Variants in ADAMTSL1 observed in about 807,000 individuals in gnomAD.
The protein encoded by ADAMTSL1 is ADAMTS like 1.
ADAMTSL1 carries 126 observed loss-of-function variants against 201.8 expected under a neutral mutation model. That is an observed-to-expected ratio of 0.62 (90% CI 0.54 to 0.72). The LOEUF (loss-of-function observed/expected upper bound fraction) is 0.72. ADAMTSL1 is among the 30% of genes least tolerant of loss of function. ADAMTSL1 has a pLI of 0.00. For synonymous variants in ADAMTSL1, 1,121 were observed against 903.4 expected (o/e 1.24, Z -4.32); for missense variants, 2,679 against 2,277.8 (o/e 1.18, Z -3.59).
At chr9:18,557,883 A>T (rs1381251356) in intron 3 of ADAMTSL1, among the ~76,000 whole-genome samples, 1 of 152,024 alleles carries the variant, frequency 6.6e-6, no homozygotes, top group African/African-American at 2.4e-5. Flanking sequence ...TAGATTAAAC[A>T]GATTTTATTC....
chr9:18,132,589 T>C (rs551384002), intron 1 of ADAMTSL1, among the ~76,000 whole-genome samples: 9 of 152,296 alleles, frequency 5.9e-5, no homozygotes, highest in African/African-American at 1.9e-4. Context: ...CAGCTCTTCA[T>C]TCTATCACTT....
intron 1 of ADAMTSL1, among the ~76,000 whole-genome samples, chr9:18,088,144 G>T (rs554150591): frequency 6.6e-6 from 1 of 152,232 alleles, no homozygotes; most frequent in African/African-American, 2.4e-5. Context: ...AACACACAAT[G>T]GGGAAAGGAT....
chr9:18,790,357 A>T (rs1440579576), intron 19 of ADAMTSL1, among the ~76,000 whole-genome samples: 1 of 152,180 alleles, frequency 6.6e-6, no homozygotes. Flanking sequence ...GCAGCTCCTC[A>T]TAGCTGGGCA....
At chr9:18,711,803 C>A (rs1159850546) in intron 14 of ADAMTSL1, among the ~76,000 whole-genome samples, 2 of 150,026 alleles carry the variant, frequency 1.3e-5, no homozygotes, top group Admixed American at 1.3e-4. Context: ...AGGGCACAGA[C>A]AAACAAAAAG....
At chr9:18,867,092 T>G (rs1339289857) in intron 23 of ADAMTSL1, among the ~76,000 whole-genome samples, 2 of 152,200 alleles carry the variant, frequency 1.3e-5, no homozygotes, top group Admixed American at 6.5e-5. Context: ...TCCAAGAAAC[T>G]ATGTACCTCA....
chr9:18,184,076 C>G (rs1408474503), intron 2 of ADAMTSL1, among the ~76,000 whole-genome samples: 1 of 152,126 alleles, frequency 6.6e-6, no homozygotes, highest in Non-Finnish European at 1.5e-5. Flanking sequence ...CAGATAATTC[C>G]GAAATGTAAC....
At chr9:17,923,235 A>G (rs904535208) in intron 1 of ADAMTSL1, among the ~76,000 whole-genome samples, 14 of 150,694 alleles carry the variant, frequency 9.3e-5, no homozygotes, top group Middle Eastern at 3.4e-3. Flanking sequence ...CTTGGGCAGT[A>G]TGGCCATTTT....
chr9:18,315,735 G>C (rs934282765), intron 2 of ADAMTSL1, among the ~76,000 whole-genome samples: 2 of 152,184 alleles, frequency 1.3e-5, no homozygotes, highest in Non-Finnish European at 2.9e-5. Context: ...GGCAAGCAGA[G>C]GGAGCTAGCT....
intron 23 of ADAMTSL1, among the ~76,000 whole-genome samples, chr9:18,859,851 ATATCT>A (rs1318084895): frequency 6.6e-6 from 1 of 152,058 alleles, no homozygotes; most frequent in Non-Finnish European, 1.5e-5. Flanking sequence ...TTTTATTTCA[ATATCT>A]TTTGGGGTAC....
At chr9:18,764,564 C>G (rs1450748026) in intron 16 of ADAMTSL1, among the ~76,000 whole-genome samples, 2 of 152,142 alleles carry the variant, frequency 1.3e-5, no homozygotes, top group Non-Finnish European at 2.9e-5. Flanking sequence ...TTGGAAGTCT[C>G]TGGGTGAACA....
intron 2 of ADAMTSL1, among the ~76,000 whole-genome samples, chr9:18,418,433 A>G (rs1007868884): frequency 5.3e-5 from 8 of 152,216 alleles, no homozygotes; most frequent in African/African-American, 1.7e-4. Flanking sequence ...CCCTATTTGC[A>G]TAATACACAG....
intron 23 of ADAMTSL1, among the ~76,000 whole-genome samples, chr9:18,840,612 T>C (rs1825655388): frequency 6.6e-6 from 1 of 152,254 alleles, no homozygotes; most frequent in African/African-American, 2.4e-5. Context: ...ATTGAATCTA[T>C]AAATTACCTT....
intron 1 of ADAMTSL1, among the ~76,000 whole-genome samples, chr9:18,125,769 TC>T (rs946019826): frequency 7.9e-5 from 12 of 152,320 alleles, no homozygotes; most frequent in Admixed American, 2.0e-4. Context: ...GCATCTTTTT[TC>T]CACACTGCTG....
intron 1 of ADAMTSL1, among the ~76,000 whole-genome samples, chr9:18,066,936 A>T (rs899517979): frequency 2.0e-5 from 3 of 152,140 alleles, no homozygotes; most frequent in Non-Finnish European, 4.4e-5. Flanking sequence ...GAATTGAACA[A>T]TGAGAACACA....
chr9:18,876,308 G>GTGTA (rs372323359), intron 23 of ADAMTSL1, among the ~76,000 whole-genome samples: 3,853 of 151,104 alleles, frequency 0.025, 115 homozygotes, highest in South Asian at 0.13. Flanking sequence ...ATACGTGTGT[G>GTGTA]TGTGTGTGTG....
At chr9:18,245,414 G>A (rs371696160) in intron 2 of ADAMTSL1, among the ~76,000 whole-genome samples, 14 of 152,206 alleles carry the variant, frequency 9.2e-5, no homozygotes, top group Non-Finnish European at 1.5e-4. Flanking sequence ...TGGACTAGTC[G>A]TATTTCAAGT....
chr9:18,218,223 C>T (rs1182727518), intron 2 of ADAMTSL1, among the ~76,000 whole-genome samples: 1 of 152,106 alleles, frequency 6.6e-6, no homozygotes, highest in African/African-American at 2.4e-5. Flanking sequence ...AATTTTCTAA[C>T]ATATCCAACT....
intron 14 of ADAMTSL1, chr9:18,718,266 G>A: frequency 1.3e-6 from 1 of 758,714 alleles, no homozygotes; most frequent in South Asian, 1.4e-5. Flanking sequence ...ATTAAATGTG[G>A]ACTGTGCTTT....
intron 1 of ADAMTSL1, among the ~76,000 whole-genome samples, chr9:18,503,691 T>C (rs1429639793): frequency 2.0e-5 from 3 of 152,130 alleles, no homozygotes; most frequent in Non-Finnish European, 4.4e-5. Context: ...CCACAGTTCC[T>C]GCTCCTAATC....
Sources: allele counts gnomAD v4.1 joint callset (sites outside exome capture counted in the v4.1 genomes callset), GRCh38; gene constraint gnomAD v4.1.1; transcripts MANE v1.5; gene names NCBI Gene and HGNC (gene_info 2026-07-23, HGNC 2026-07-21).